Variants in RTP2 observed in about 807,000 individuals in gnomAD.
RTP2 encodes the protein receptor-transporting protein 2.
In RTP2, 12 loss-of-function variants were observed where a neutral mutation model predicts 17.9. The observed-to-expected ratio is 0.67, with a 90% CI of 0.43 to 1.09. RTP2 has a LOEUF of 1.09. Among genes scored for constraint, RTP2 ranks in the 50% least tolerant of loss-of-function variants. The probability of loss-of-function intolerance (pLI) is 0.00; values close to 1 mark genes in which losing one functional copy is unlikely to be tolerated. For synonymous variants in RTP2, 126 were observed against 117.7 expected, an observed-to-expected ratio of 1.07 and a Z score of -0.46; for missense variants, 327 against 295.7, an observed-to-expected ratio of 1.11 and a Z score of -0.78.
the RTP2 span, among the ~76,000 whole-genome samples, chr3:187,709,999 CT>C: frequency 6.6e-6 from 1 of 152,164 alleles, no homozygotes; most frequent in Non-Finnish European, 1.5e-5. Flanking sequence ...CTGGATGTGT[CT>C]GTGAGGGTGT....
intron 1 of RTP2, among the ~76,000 whole-genome samples, chr3:187,700,955 C>CT (rs1391712556): frequency 8.5e-5 from 13 of 152,212 alleles, no homozygotes. Flanking sequence ...CAAACGTAAG[C>CT]TCCCTACCCA....
chr3:187,702,012 C>G lies in RTP2; in HGVS notation c.117G>C (p.Glu39Asp), dbSNP rs142242604. The G allele has an allele frequency of 1.4e-5, 23 of 1,612,266 alleles. No individual in the cohort carries two copies. The African/African-American group carries it at 3.1e-4, about 22-fold the overall frequency. The change falls in exon 1 of 2, where the codon GAG becomes GAC. Residue 39 changes from glutamate to aspartate, a missense_variant. By Grantham distance (45) the Glu-to-Asp change is conservative (BLOSUM62 2). Transcript: ENST00000358241. ...GGTACTGCTTCCAGCCAGGGGCCAG[C>G]TCACTGGGCTTGAGGTTGGGGTCTA...
chr3:187,704,119 T>C (rs1256011639), upstream of RTP2, among the ~76,000 whole-genome samples: 1 of 152,332 alleles, frequency 6.6e-6, no homozygotes, highest in East Asian at 1.9e-4. Context: ...ATACATATTT[T>C]GTCTAGGCAA....
chr3:187,700,585 TTA>T (rs1336837757), intron 1 of RTP2, among the ~76,000 whole-genome samples: 2 of 152,198 alleles, frequency 1.3e-5, no homozygotes, highest in Non-Finnish European at 2.9e-5. Flanking sequence ...TTCAAATGCT[TTA>T]TGTTTTCAGT....
At position 187,701,958 on chromosome 3, in the gene RTP2, C is replaced by T. The variant is rs945128067; in HGVS notation, c.164+7G>A. 29 of 1,582,342 alleles carry T rather than the reference C, an allele frequency of 1.8e-5. No homozygotes were observed. Among genetic ancestry groups the T allele is most frequent in the Non-Finnish European group, 2.3e-5 (27 of 1,162,004 alleles). On this transcript the variant is annotated splice_region_variant and intron_variant, in intron 1 of 1. Transcript: ENST00000358241. ...TCTGCAAGGTCCCTCCCCACTGAACCTCTCACCTGCCTGAGGCGTGCTGCT... is the reference window on the plus strand; with the variant it reads ...TCTGCAAGGTCCCTCCCCACTGAACTTCTCACCTGCCTGAGGCGTGCTGCT...
At chr3:187,698,334 C>T (rs989725279) in exon 2 of RTP2, 4 of 615,072 alleles carry the variant, frequency 6.5e-6, no homozygotes, top group East Asian at 5.6e-5. Context: ...GAATCATTGC[C>T]TATCTTCTAA....
the RTP2 span, chr3:187,715,516 T>C: frequency 2.9e-6 from 1 of 345,552 alleles, no homozygotes; most frequent in Non-Finnish European, 5.8e-6. Flanking sequence ...CATGGTAGTA[T>C]TATTTCCGAG....
chr3:187,714,759 T>C, the RTP2 span, among the ~76,000 whole-genome samples: 1 of 152,140 alleles, frequency 6.6e-6, no homozygotes, highest in Non-Finnish European at 1.5e-5. Flanking sequence ...AGAGAGGGAC[T>C]GAAGGGAGGG....
At chr3:187,705,127 A>T (rs148865007), upstream of RTP2, among the ~76,000 whole-genome samples, 36 of 152,268 alleles carry the variant, frequency 2.4e-4, no homozygotes, top group African/African-American at 8.2e-4. Flanking sequence ...GGATGTAAAT[A>T]CATAAAAAGA....
the RTP2 span, among the ~76,000 whole-genome samples, chr3:187,710,902 C>G: frequency 6.6e-6 from 1 of 152,104 alleles, no homozygotes; most frequent in Non-Finnish European, 1.5e-5. Context: ...CTTGTAATAA[C>G]CCTAGGTAAA....
the RTP2 span, among the ~76,000 whole-genome samples, chr3:187,709,180 T>C: frequency 6.6e-6 from 1 of 152,198 alleles, no homozygotes; most frequent in Non-Finnish European, 1.5e-5. Context: ...TGTATTTGAT[T>C]TTTTAAAACA....
rs557614311 is a variant in RTP2, at chr3:187,701,503, G to A, written c.164+462C>T. On this transcript the variant is annotated intron_variant, in intron 1 of 1. Transcript: ENST00000358241. ...CTACTTAGCTATATAGAGCCAGTTC[G>A]TAGCACACAGCAGGTGGTCAATAAA... Among the ~76,000 whole-genome samples the A allele has an allele frequency of 7.4e-4, 112 of 152,322 alleles. No individual in the cohort carries two copies. In the South Asian group the frequency reaches 8.1e-3, roughly 11 times the overall value.
the RTP2 span, among the ~76,000 whole-genome samples, chr3:187,713,079 C>A: frequency 2.0e-5 from 3 of 152,114 alleles, no homozygotes; most frequent in African/African-American, 7.2e-5. Context: ...AATCAGGAGA[C>A]CAGTGCTTAA....
chr3:187,702,143 A>G (rs1016288796), exon 1 of RTP2: 4 of 1,588,448 alleles, frequency 2.5e-6, no homozygotes, highest in Admixed American at 1.7e-5. Flanking sequence ...CTGCTGGCAG[A>G]GGTGGCAGTT....
chr3:187,708,865 A>C, the RTP2 span, among the ~76,000 whole-genome samples: 1 of 152,118 alleles, frequency 6.6e-6, no homozygotes, highest in Non-Finnish European at 1.5e-5. Context: ...TGGAGGTCCT[A>C]TAGTTAATAA....
upstream of RTP2, among the ~76,000 whole-genome samples, chr3:187,703,783 T>C (rs186916300): frequency 3.7e-3 from 566 of 152,282 alleles, 4 homozygotes; most frequent in Non-Finnish European, 6.9e-3. Flanking sequence ...TATACCCTTG[T>C]TCCCAGAACA....
the RTP2 span, among the ~76,000 whole-genome samples, chr3:187,711,836 C>G: frequency 6.6e-6 from 1 of 152,112 alleles, no homozygotes; most frequent in Admixed American, 6.5e-5. Context: ...TGCACAGAAC[C>G]AAAAACAGTT....
rs76289929 is a variant in RTP2 at position 187,699,105 on chromosome 3, G to A, written c.165-94C>T. ...GAGGGAAAAAAAAGCCTGTGTGCCC[G>A]TGCTTGGAGATGGAGGCAGTGTTTA... On this transcript the variant is annotated intron_variant, in intron 1 of 1. Transcript: ENST00000358241. 9,438 of 1,405,574 alleles carry A rather than the reference G, an allele frequency of 6.7e-3. 37 individuals carry two copies. The highest frequency in any genetic ancestry group is 8.3e-3 in the Non-Finnish European group (8,735 of 1,054,350). 87.1% of individuals were successfully genotyped at this position (1,405,574 alleles called of 1,614,324 possible).
At chr3:187,705,695 A>T (rs1210032540), upstream of RTP2, among the ~76,000 whole-genome samples, 4 of 152,124 alleles carry the variant, frequency 2.6e-5, no homozygotes, top group Non-Finnish European at 5.9e-5. Flanking sequence ...ACTGATGGGG[A>T]TTCCTTGATG....
Sources: allele counts gnomAD v4.1 joint callset (sites outside exome capture counted in the v4.1 genomes callset), GRCh38; gene constraint gnomAD v4.1.1; transcripts MANE v1.5; gene names NCBI Gene and HGNC (gene_info 2026-07-23, HGNC 2026-07-21).